Variants in RANBP2 observed in about 807,000 individuals in gnomAD.
The protein encoded by RANBP2 is RAN binding protein 2, also known as E3 SUMO-protein ligase RanBP2.
A neutral mutation model predicts 303.6 loss-of-function variants in RANBP2; 57 were observed. The ratio of observed to expected loss-of-function variants is 0.19; its 90% confidence interval spans 0.15 to 0.23. RANBP2 has a LOEUF of 0.23. Ranked by LOEUF, RANBP2 falls within the 10% of genes least tolerant of loss-of-function variation. RANBP2 has a pLI of 1.00. For missense variants in RANBP2, 3,138 were observed against 3,780.8 expected, an observed-to-expected ratio of 0.83 and a Z score of 4.46; for synonymous variants, 1,167 against 1,301.5, an observed-to-expected ratio of 0.90 and a Z score of 2.23.
the RANBP2 span, among the ~76,000 whole-genome samples, chr2:109,065,060 A>T: frequency 1.3e-5 from 2 of 152,210 alleles, no homozygotes. Flanking sequence ...CTTGAGACTT[A>T]GGTTCAGGAG....
chr2:109,096,501 C>A, the RANBP2 span, among the ~76,000 whole-genome samples: 8 of 152,160 alleles, frequency 5.3e-5, no homozygotes, highest in African/African-American at 1.9e-4. Context: ...CATTTTGGTC[C>A]TCTTGAGAAG....
At chr2:109,383,100 C>A in the RANBP2 span, among the ~76,000 whole-genome samples, 1 of 152,196 alleles carries the variant, frequency 6.6e-6, no homozygotes. Context: ...GCCCTGGCTC[C>A]GAGGCACTTG....
At chr2:109,520,702 A>G in the RANBP2 span, among the ~76,000 whole-genome samples, 2 of 137,760 alleles carry the variant, frequency 1.5e-5, no homozygotes, top group Admixed American at 7.3e-5. Context: ...AGGCCAAGGC[A>G]GGTGGATCAC....
At position 108,766,715 on chromosome 2, in the gene RANBP2, A is replaced by G; in HGVS notation, c.6176A>G (p.Asn2059Ser). Reference protein sequence around the residue: ...VSQWKERGLGNLKILKNEVNG... With the variant: ...VSQWKERGLGSLKILKNEVNG... ...CAGTGGAAAGAAAGGGGCTTGGGGA[A>G]CTTAAAAATTCTCAAAAACGAGGTC... The change falls in exon 20 of 29, where the codon AAC (asparagine) becomes AGC (serine). Residue 2059 changes from asparagine to serine, a missense_variant. By Grantham distance (46) the Asn-to-Ser change is conservative. Around this residue, in one of 20 missense-constraint regions of RANBP2, gnomAD observed 103 missense variants for 214.3 expected, o/e 0.48. Coordinates refer to ENST00000283195, the MANE Select transcript of RANBP2 (RefSeq NM_006267.5). 2 of 1,612,030 alleles carry G rather than the reference A, an allele frequency of 1.2e-6. No homozygotes were observed. The highest frequency in any genetic ancestry group is 2.2e-5 in the South Asian group (2 of 90,998).
the RANBP2 span, among the ~76,000 whole-genome samples, chr2:109,452,125 C>G: frequency 1.3e-5 from 2 of 152,198 alleles, no homozygotes; most frequent in African/African-American, 4.8e-5. Context: ...GCAGCAGGGC[C>G]CAAGGCATTT....
chr2:108,866,697 A>C, the RANBP2 span, among the ~76,000 whole-genome samples: 2 of 152,292 alleles, frequency 1.3e-5, no homozygotes, highest in South Asian at 4.1e-4. Flanking sequence ...AGCCTAGCCA[A>C]GATAGTGAAA....
the RANBP2 span, among the ~76,000 whole-genome samples, chr2:109,066,421 A>G: frequency 1.3e-5 from 2 of 151,888 alleles, no homozygotes; most frequent in South Asian, 4.2e-4. Context: ...TTCTTTTTTT[A>G]TAAAGGCATG....
At chr2:108,929,311 T>C in the RANBP2 span, 1,705 of 1,614,146 alleles carry the variant, frequency 1.1e-3, 9 homozygotes, top group South Asian at 5.3e-3. Context: ...GGTAGCCTCC[T>C]TTGGAAAACT....
chr2:109,077,821 G>A, the RANBP2 span, among the ~76,000 whole-genome samples: 1 of 149,596 alleles, frequency 6.7e-6, no homozygotes, highest in Non-Finnish European at 1.5e-5. Flanking sequence ...GTGTTGGTGA[G>A]GATGTGGAGA....
chr2:108,881,881 C>T, the RANBP2 span, among the ~76,000 whole-genome samples: 1 of 152,148 alleles, frequency 6.6e-6, no homozygotes. Context: ...CGATGGCTCA[C>T]TCTTGTAACC....
At chr2:109,620,302 C>A in the RANBP2 span, among the ~76,000 whole-genome samples, 2 of 152,138 alleles carry the variant, frequency 1.3e-5, no homozygotes, top group Non-Finnish European at 2.9e-5. Flanking sequence ...TCATCTGCAG[C>A]TCAGCCAAAA....
the RANBP2 span, among the ~76,000 whole-genome samples, chr2:108,953,663 T>C: frequency 2.0e-5 from 3 of 152,090 alleles, no homozygotes; most frequent in Non-Finnish European, 4.4e-5. Context: ...GGTGCTGTCA[T>C]TGTCGGATGG....
the RANBP2 span, among the ~76,000 whole-genome samples, chr2:109,435,683 G>A: frequency 6.6e-6 from 1 of 152,252 alleles, no homozygotes; most frequent in Non-Finnish European, 1.5e-5. Flanking sequence ...ATGAGAGGCA[G>A]ATGTGTGTCT....
chr2:109,679,390 G>A, the RANBP2 span, among the ~76,000 whole-genome samples: 1,846 of 152,316 alleles, frequency 0.012, 27 homozygotes, highest in Middle Eastern at 0.034. Flanking sequence ...ATTTGCAAAT[G>A]TGGAATCCAT....
the RANBP2 span, among the ~76,000 whole-genome samples, chr2:109,009,632 C>T: frequency 1.3e-5 from 2 of 151,900 alleles, no homozygotes; most frequent in Non-Finnish European, 2.9e-5. Flanking sequence ...CTCAAGCTAT[C>T]CTCCCACCTG....
At chr2:109,180,673 C>T in the RANBP2 span, among the ~76,000 whole-genome samples, 1 of 152,176 alleles carries the variant, frequency 6.6e-6, no homozygotes, top group African/African-American at 2.4e-5. Context: ...TGTCTGATGT[C>T]CTCCATGTAA....
chr2:109,645,917 T>A, the RANBP2 span, among the ~76,000 whole-genome samples: 1 of 151,982 alleles, frequency 6.6e-6, no homozygotes, highest in African/African-American at 2.4e-5. Context: ...ATGCTCGGAG[T>A]GTAGACAAAA....
At chr2:109,615,981 A>AG in the RANBP2 span, 1 of 1,543,220 alleles carries the variant, frequency 6.5e-7, no homozygotes, top group Non-Finnish European at 8.7e-7. Flanking sequence ...GCTGGAGGGC[A>AG]GGGGGGAGGA....
chr2:109,261,062 G>C, the RANBP2 span, among the ~76,000 whole-genome samples: 16 of 152,272 alleles, frequency 1.1e-4, no homozygotes, highest in South Asian at 3.1e-3. Context: ...ATGAGCACTT[G>C]GCCTGAAGTG....
Sources: gnomAD v4.1 joint callset for allele counts (sites outside exome capture counted in the v4.1 genomes callset) on GRCh38, gnomAD v4.1.1 for gene constraint, gnomAD v4.1.1 regional missense constraint, MANE v1.5 for transcripts, NCBI Gene and HGNC (gene_info 2026-07-23, HGNC 2026-07-21) for gene names.